SYNE2: variants seen among roughly 807,000 people sequenced by gnomAD.
The protein encoded by SYNE2 is spectrin repeat containing nuclear envelope protein 2.
SYNE2 carries 431 observed loss-of-function variants against 856.3 expected under a neutral mutation model. That is an observed-to-expected ratio of 0.50 (90% CI 0.47 to 0.55). The LOEUF is 0.55. SYNE2 is among the 20% of genes least tolerant of loss of function. The pLI, the probability that SYNE2 is intolerant of heterozygous loss-of-function variation, is 0.00. For missense variants in SYNE2, 8,129 were observed against 8,023.2 expected (o/e 1.01, Z -0.50); for synonymous variants, 2,923 against 2,872.3 (o/e 1.02, Z -0.56).
At chr14:63,871,980 G>T (rs890312584) in intron 1 of SYNE2, among the ~76,000 whole-genome samples, 7 of 152,082 alleles carry the variant, frequency 4.6e-5, no homozygotes, top group Non-Finnish European at 8.8e-5. Context: ...ACTGAATTTG[G>T]TATTTATCAT....
At chr14:64,165,685 G>A (rs555409727) in intron 90 of SYNE2, among the ~76,000 whole-genome samples, 45 of 151,992 alleles carry the variant, frequency 3.0e-4, no homozygotes, top group Non-Finnish European at 5.7e-4. Flanking sequence ...GCTAATTTTT[G>A]TATTTTTTAG....
chr14:64,042,410 A>G (rs2097155824), intron 45 of SYNE2, among the ~76,000 whole-genome samples: 1 of 152,246 alleles, frequency 6.6e-6, no homozygotes, highest in South Asian at 2.1e-4. Context: ...ACAGAAAATT[A>G]TATCACTTTA....
intron 11 of SYNE2, among the ~76,000 whole-genome samples, chr14:63,975,950 G>T (rs1001363061): frequency 3.3e-5 from 5 of 152,250 alleles, no homozygotes; most frequent in African/African-American, 9.6e-5. Flanking sequence ...CAGTGAGAAT[G>T]AAGACACAAG....
intron 19 of SYNE2, among the ~76,000 whole-genome samples, chr14:63,988,132 G>A (rs2096639640): frequency 1.3e-5 from 2 of 152,076 alleles, no homozygotes; most frequent in African/African-American, 4.8e-5. Context: ...CACCCAGGCT[G>A]GAGTACAGTG....
intron 19 of SYNE2, among the ~76,000 whole-genome samples, chr14:63,988,085 T>C (rs1275472393): frequency 1.3e-5 from 2 of 152,142 alleles, no homozygotes; most frequent in African/African-American, 2.4e-5. Context: ...AAATAAATAT[T>C]TTCTTTCCTT....
intron 113 of SYNE2, 64 bp downstream of exon 113, chr14:64,223,444 G>A (rs1802067429): frequency 6.3e-7 from 1 of 1,583,686 alleles, no homozygotes; most frequent in Non-Finnish European, 8.7e-7. Flanking sequence ...GGACAGCAGT[G>A]TTGTAGCAAT....
intron 34 of SYNE2, 42 bp from the exon 35 acceptor site, chr14:64,019,950 A>G (rs766978472): frequency 1.7e-5 from 22 of 1,310,982 alleles, no homozygotes; most frequent in Non-Finnish European, 2.4e-5. Flanking sequence ...AAAATAAGGT[A>G]TGAAATAAAA....
intron 1 of SYNE2, among the ~76,000 whole-genome samples, chr14:63,784,288 C>T (rs762969199): frequency 3.3e-5 from 5 of 149,678 alleles, no homozygotes; most frequent in Admixed American, 6.7e-5. Flanking sequence ...GTCAGGAGTT[C>T]GAGACCAGCG....
chr14:64,206,109 C>G (rs2098604132), intron 100 of SYNE2, among the ~76,000 whole-genome samples: 2 of 152,182 alleles, frequency 1.3e-5, no homozygotes, highest in Non-Finnish European at 2.9e-5. Context: ...TATTCTCATT[C>G]TTCTGGCTGC....
chr14:64,220,564 T>C lies in SYNE2; in HGVS notation c.19988T>C (p.Leu6663Pro). ...CAAAGTAGACTCCGCCAGCTGAGCC[T>C]GCTCTGGGAAGCAGCACAGGGCGCA... The part of the protein sequence containing the change: ...ELQSRLRQLS[L>P]LWEAAQGAVD... The change falls in exon 111 of 116, where the codon CTG becomes CCG. Residue 6663 changes from leucine to proline, a missense_variant. By Grantham distance (98) the Leu-to-Pro change is moderately conservative. Transcript: ENST00000555002. 1 of 1,614,152 alleles carries C rather than the reference T, an allele frequency of 6.2e-7. No homozygotes were observed. Among genetic ancestry groups the C allele is most frequent in the Non-Finnish European group, 8.5e-7 (1 of 1,180,012 alleles).
chr14:64,220,372 G>A (rs2098688788), intron 110 of SYNE2, 65 bp from the exon 111 acceptor site: 3 of 1,582,200 alleles, frequency 1.9e-6, no homozygotes, highest in Non-Finnish European at 2.6e-6. Flanking sequence ...CCCTACTGAG[G>A]TTCAAAATGA....
At chr14:63,868,146 A>G (rs1895918651) in intron 1 of SYNE2, among the ~76,000 whole-genome samples, 1 of 152,252 alleles carries the variant, frequency 6.6e-6, no homozygotes, top group Admixed American at 6.5e-5. Flanking sequence ...TTAGCAACAA[A>G]TGAGATGCAC....
At chr14:63,874,250 C>T (rs1326416636) in intron 1 of SYNE2, among the ~76,000 whole-genome samples, 2 of 152,134 alleles carry the variant, frequency 1.3e-5, no homozygotes, top group African/African-American at 2.4e-5. Flanking sequence ...CACAAAAAGA[C>T]GTAAACATTT....
rs866077296 is a variant in SYNE2, at chr14:64,208,018, C to A, written c.18202-740C>A. ...GATGACTAAAAATGCCATGTTTATT[C>A]GTGAAGAGGTTTTCCAGTTTTTTCC... is the stretch of plus-strand genomic sequence containing the variant. On this transcript the variant is annotated intron_variant, in intron 100 of 115. Coordinates refer to ENST00000555002, the MANE Select transcript of SYNE2 (RefSeq NM_182914.3). The A allele has an allele frequency of 1.8e-5, 8 of 455,990 alleles. No homozygotes were observed. In the Middle Eastern group the frequency reaches 2.6e-3, roughly 149 times the overall value. 28.2% of individuals were successfully genotyped at this position (455,990 alleles called of 1,614,324 possible).
chr14:64,176,734 T>C (rs1401711751), intron 95 of SYNE2, among the ~76,000 whole-genome samples: 1 of 152,258 alleles, frequency 6.6e-6, no homozygotes, highest in South Asian at 2.1e-4. Context: ...AGAAATCACA[T>C]TGGTTAGATG....
chr14:64,062,773 T>G lies in SYNE2; in HGVS notation c.10090T>G (p.Tyr3364Asp), dbSNP rs753595531. ...AERYLENYKC[Y>D]RKMEEDIYTN... ...TAGGTATCTTGAGAATTACAAATGC[T>G]ATAGAAAAATGGAAGAGGATATTTA... Residue 3364 changes from tyrosine to aspartate, a missense_variant, in exon 50 of 116, where the codon TAT becomes GAT. By Grantham distance (160) the Tyr-to-Asp change is radical. Coordinates refer to ENST00000555002, the MANE Select transcript of SYNE2 (RefSeq NM_182914.3). 19 of 1,613,926 alleles carry G rather than the reference T, an allele frequency of 1.2e-5. No homozygotes were observed. Among genetic ancestry groups the G allele is most frequent in the Non-Finnish European group, 1.6e-5 (19 of 1,179,792 alleles).
intron 25 of SYNE2, 145 bp from the exon 26 acceptor site, chr14:63,998,074 A>T (rs2096726759): frequency 1.4e-6 from 1 of 704,106 alleles, no homozygotes; most frequent in Non-Finnish European, 2.6e-6. Context: ...CTTTTCTCTG[A>T]GCTGAGACAT....
chr14:64,077,281 T>A (rs977962371), intron 54 of SYNE2, among the ~76,000 whole-genome samples: 1 of 152,222 alleles, frequency 6.6e-6, no homozygotes, highest in Non-Finnish European at 1.5e-5. Context: ...CTCAATGGTA[T>A]ACATTTCTGC....
intron 2 of SYNE2, among the ~76,000 whole-genome samples, chr14:63,920,144 T>C (rs949453039): frequency 1.3e-5 from 2 of 151,876 alleles, no homozygotes; most frequent in Non-Finnish European, 2.9e-5. Flanking sequence ...GCACACGGGT[T>C]AGTACATGGC....
Sources: gnomAD v4.1 joint callset for allele counts (sites outside exome capture counted in the v4.1 genomes callset) on GRCh38, gnomAD v4.1.1 for gene constraint, MANE v1.5 for transcripts, NCBI Gene and HGNC (gene_info 2026-07-23, HGNC 2026-07-21) for gene names.